Variants in PHF24 observed in about 807,000 individuals in gnomAD.
PHF24 encodes the protein PHD finger protein 24, also known as Galpha inhibitory interacting protein.
Under a neutral mutation model 42.6 loss-of-function variants are expected in PHF24, and 25 were observed. That is an observed-to-expected ratio of 0.59 (90% CI 0.43 to 0.82). The LOEUF is 0.82. Among genes scored for constraint, PHF24 ranks in the 40% least tolerant of loss-of-function variants. PHF24 has a pLI of 0.00. For synonymous variants in PHF24, 185 were observed against 204.8 expected (o/e 0.90, Z 0.83); for missense variants, 470 against 538.1 (o/e 0.87, Z 1.25).
At chr9:34,747,127 G>T in the PHF24 span, among the ~76,000 whole-genome samples, 1 of 152,182 alleles carries the variant, frequency 6.6e-6, no homozygotes, top group Non-Finnish European at 1.5e-5. Context: ...ATAAAGTTCT[G>T]CAGGACATAG....
the PHF24 span, among the ~76,000 whole-genome samples, chr9:34,776,807 T>C: frequency 9.5e-6 from 1 of 105,052 alleles, no homozygotes; most frequent in Non-Finnish European, 2.3e-5. Flanking sequence ...TCTGCACAAT[T>C]GGGACAACAC....
At chr9:34,792,977 A>C in the PHF24 span, among the ~76,000 whole-genome samples, 1 of 152,210 alleles carries the variant, frequency 6.6e-6, no homozygotes, top group Non-Finnish European at 1.5e-5. Flanking sequence ...TTATTCAAGT[A>C]TGAATACTAA....
chr9:34,845,652 G>C, the PHF24 span, among the ~76,000 whole-genome samples: 10 of 151,820 alleles, frequency 6.6e-5, no homozygotes, highest in Admixed American at 3.3e-4. Context: ...ACAATGTGCA[G>C]GTTAGTTACA....
At chr9:34,825,185 A>G in the PHF24 span, among the ~76,000 whole-genome samples, 20 of 151,930 alleles carry the variant, frequency 1.3e-4, no homozygotes, top group Non-Finnish European at 2.6e-4. Context: ...TGCTATGTCA[A>G]AGAGTCTGAG....
the PHF24 span, among the ~76,000 whole-genome samples, chr9:34,868,363 T>C: frequency 6.6e-6 from 1 of 152,250 alleles, no homozygotes; most frequent in Non-Finnish European, 1.5e-5. Flanking sequence ...TGGAAGGCAG[T>C]GAGAACTATC....
At chr9:34,673,680 G>C in the PHF24 span, among the ~76,000 whole-genome samples, 1 of 151,170 alleles carries the variant, frequency 6.6e-6, no homozygotes, top group Non-Finnish European at 1.5e-5. Flanking sequence ...GGAGTGCAGT[G>C]GTGTGATCTC....
At chr9:34,820,699 T>G in the PHF24 span, among the ~76,000 whole-genome samples, 1 of 152,348 alleles carries the variant, frequency 6.6e-6, no homozygotes, top group South Asian at 2.1e-4. Context: ...TTAATATTTG[T>G]GTGCATGTGT....
At chr9:34,906,078 G>A in the PHF24 span, among the ~76,000 whole-genome samples, 2 of 152,082 alleles carry the variant, frequency 1.3e-5, no homozygotes, top group Non-Finnish European at 2.9e-5. Context: ...GGATTAGAGG[G>A]GAGAAACAGG....
the PHF24 span, among the ~76,000 whole-genome samples, chr9:34,936,744 A>G: frequency 1.3e-4 from 15 of 115,442 alleles, no homozygotes; most frequent in Admixed American, 3.4e-4. Flanking sequence ...TGTGAGGAGC[A>G]CCTCTGCCCG....
chr9:34,733,882 C>T, the PHF24 span, among the ~76,000 whole-genome samples: 1 of 152,128 alleles, frequency 6.6e-6, no homozygotes, highest in Non-Finnish European at 1.5e-5. Context: ...TCTTCAGGTA[C>T]TCATGGTTTC....
the PHF24 span, among the ~76,000 whole-genome samples, chr9:34,943,043 C>T: frequency 3.9e-5 from 6 of 152,088 alleles, no homozygotes; most frequent in Non-Finnish European, 2.9e-5. Flanking sequence ...GTTCACTGGC[C>T]ATATACCATG....
the PHF24 span, among the ~76,000 whole-genome samples, chr9:34,869,540 A>C: frequency 6.6e-6 from 1 of 151,996 alleles, no homozygotes; most frequent in African/African-American, 2.4e-5. Context: ...TCTTGGCCAT[A>C]TGAATGTCTT....
the PHF24 span, among the ~76,000 whole-genome samples, chr9:34,669,147 C>G: frequency 6.6e-6 from 1 of 152,174 alleles, no homozygotes; most frequent in Non-Finnish European, 1.5e-5. Context: ...TGTATAAAAC[C>G]AAGCTGTGCA....
At chr9:34,696,660 C>G in the PHF24 span, among the ~76,000 whole-genome samples, 1 of 152,070 alleles carries the variant, frequency 6.6e-6, no homozygotes, top group Non-Finnish European at 1.5e-5. Context: ...AATAAAGGCA[C>G]TGTTGGGAAG....
chr9:34,912,242 G>A, the PHF24 span, among the ~76,000 whole-genome samples: 4 of 152,124 alleles, frequency 2.6e-5, no homozygotes, highest in African/African-American at 9.7e-5. Flanking sequence ...GTGTGTGTGG[G>A]TGGATGGAAG....
exon 8 of PHF24, chr9:34,980,779 TCA>T (rs1827362587): frequency 6.6e-6 from 1 of 152,250 alleles, no homozygotes; most frequent in Non-Finnish European, 1.5e-5. Context: ...AGAAAATGTT[TCA>T]GTCTTTTCTT....
At chr9:34,725,947 C>G in the PHF24 span, 1 of 1,549,830 alleles carries the variant, frequency 6.5e-7, no homozygotes, top group Non-Finnish European at 8.7e-7. Context: ...CACAGAATAG[C>G]TGGCTGTATT....
chr9:34,674,425 A>T, the PHF24 span, among the ~76,000 whole-genome samples: 2 of 152,268 alleles, frequency 1.3e-5, no homozygotes, highest in African/African-American at 4.8e-5. Context: ...GGATTGGTAA[A>T]CTTTCTGTAA....
At chr9:34,780,293 T>TC in the PHF24 span, among the ~76,000 whole-genome samples, 1 of 89,162 alleles carries the variant, frequency 1.1e-5, no homozygotes, top group African/African-American at 3.3e-5. Context: ...TTTTTTTCTT[T>TC]TTTTCTTTTT....
Sources: allele counts gnomAD v4.1 joint callset (sites outside exome capture counted in the v4.1 genomes callset), GRCh38; gene constraint gnomAD v4.1.1; transcripts MANE v1.5; gene names NCBI Gene and HGNC (gene_info 2026-07-23, HGNC 2026-07-21).